Variants in KCTD16 observed in about 807,000 individuals in gnomAD.
KCTD16 encodes potassium channel tetramerization domain containing 16.
In KCTD16, 13 loss-of-function variants were observed where a neutral mutation model predicts 33.2. The ratio of observed to expected loss-of-function variants is 0.39; its 90% CI spans 0.25 to 0.62. The LOEUF (loss-of-function observed/expected upper bound fraction) is 0.62. KCTD16 is among the 20% of genes least tolerant of loss of function. KCTD16 has a pLI of 0.50. For synonymous variants in KCTD16, 197 were observed against 195.3 expected (o/e 1.01, Z -0.07); for missense variants, 441 against 525.1 (o/e 0.84, Z 1.57).
chr5:144,280,972 G>C (rs188444801), intron 3 of KCTD16, among the ~76,000 whole-genome samples: 1,961 of 148,238 alleles, frequency 0.013, 22 homozygotes, highest in Middle Eastern at 0.046. Context: ...GGAGAATGGC[G>C]TGAACCCGAC....
chr5:144,427,696 C>T (rs1753362570), intron 3 of KCTD16, among the ~76,000 whole-genome samples: 1 of 152,036 alleles, frequency 6.6e-6, no homozygotes, highest in Non-Finnish European at 1.5e-5. Flanking sequence ...TGGAGTACAG[C>T]CTGGGTGCCT....
chr5:144,390,649 G>T (rs1228546987), intron 3 of KCTD16, among the ~76,000 whole-genome samples: 2 of 152,088 alleles, frequency 1.3e-5, no homozygotes, highest in East Asian at 3.9e-4. Flanking sequence ...TCTACATTAG[G>T]TATTTGTCCT....
At chr5:144,249,246 T>C (rs1264906851) in intron 3 of KCTD16, among the ~76,000 whole-genome samples, 1 of 152,190 alleles carries the variant, frequency 6.6e-6, no homozygotes, top group African/African-American at 2.4e-5. Flanking sequence ...TGTAATATTC[T>C]TATACTCTTC....
At chr5:144,461,187 G>A (rs1754186430) in intron 3 of KCTD16, among the ~76,000 whole-genome samples, 1 of 152,170 alleles carries the variant, frequency 6.6e-6, no homozygotes, top group African/African-American at 2.4e-5. Flanking sequence ...ATGGATGCAT[G>A]CATGTCACAA....
chr5:144,442,552 C>G (rs965979066), intron 3 of KCTD16, among the ~76,000 whole-genome samples: 8 of 149,698 alleles, frequency 5.3e-5, no homozygotes, highest in Non-Finnish European at 3.0e-5. Context: ...TTCCTTCCTT[C>G]TTTTCTCCCT....
Position 144,479,872 on chromosome 5 carries a change from C to T in KCTD16, c.*5758C>T, listed in dbSNP as rs576018328. 5 of 152,018 alleles carry T rather than the reference C, an allele frequency of 3.3e-5. No homozygotes were observed. The highest frequency in any genetic ancestry group is 2.0e-4 in the Admixed American group (3 of 15,218). 9.4% of individuals were successfully genotyped at this position (152,018 alleles called of 1,614,324 possible). On this transcript the variant is annotated 3_prime_UTR_variant, in exon 4 of 4. Transcript: ENST00000512467. ...GGCCTAGCAACTATCAAGGGCTTGTCCTGGAGGAGGGTGGGGGTAATCTTC... is the reference window on the plus strand; with the variant it reads ...GGCCTAGCAACTATCAAGGGCTTGTTCTGGAGGAGGGTGGGGGTAATCTTC...
intron 3 of KCTD16, among the ~76,000 whole-genome samples, chr5:144,250,828 ATATC>A (rs1237805033): frequency 6.6e-6 from 1 of 152,162 alleles, no homozygotes; most frequent in African/African-American, 2.4e-5. Flanking sequence ...GGGGCTAACA[ATATC>A]TATATGTATT....
At chr5:144,390,303 G>C (rs1752419734) in intron 3 of KCTD16, among the ~76,000 whole-genome samples, 1 of 152,182 alleles carries the variant, frequency 6.6e-6, no homozygotes. Context: ...TGCACAGGGG[G>C]CACCTTGTGG....
chr5:144,400,517 G>A (rs1167259657), intron 3 of KCTD16, among the ~76,000 whole-genome samples: 2 of 152,152 alleles, frequency 1.3e-5, no homozygotes, highest in African/African-American at 4.8e-5. Flanking sequence ...AGGGAAATAG[G>A]GGTGTGGAAT....
At chr5:144,212,423 T>C (rs1045817585) in intron 3 of KCTD16, among the ~76,000 whole-genome samples, 2 of 152,174 alleles carry the variant, frequency 1.3e-5, no homozygotes, top group Non-Finnish European at 2.9e-5. Flanking sequence ...TGTCAATGTA[T>C]GGGTGAAAAG....
chr5:144,310,850 T>C (rs1417393068), intron 3 of KCTD16, among the ~76,000 whole-genome samples: 1 of 152,176 alleles, frequency 6.6e-6, no homozygotes, highest in Non-Finnish European at 1.5e-5. Context: ...TGTTTACTTC[T>C]TCCCACCTTT....
intron 3 of KCTD16, among the ~76,000 whole-genome samples, chr5:144,456,246 T>C (rs966064040): frequency 6.6e-6 from 1 of 151,988 alleles, no homozygotes; most frequent in Non-Finnish European, 1.5e-5. Flanking sequence ...TTTTGTACAA[T>C]AGGGATAGAA....
chr5:144,195,777 T>C (rs1038228771), intron 2 of KCTD16, among the ~76,000 whole-genome samples: 2 of 152,254 alleles, frequency 1.3e-5, no homozygotes, highest in African/African-American at 2.4e-5. Context: ...AAATGTATAG[T>C]AATGCAAAGT....
intron 3 of KCTD16, among the ~76,000 whole-genome samples, chr5:144,339,296 A>G (rs1561572728): frequency 6.6e-6 from 1 of 152,348 alleles, no homozygotes; most frequent in Non-Finnish European, 1.5e-5. Flanking sequence ...ACATTTGAAC[A>G]CAGGATTGCC....
chr5:144,239,217 T>C (rs1225508719), intron 3 of KCTD16, among the ~76,000 whole-genome samples: 1 of 152,166 alleles, frequency 6.6e-6, no homozygotes, highest in Non-Finnish European at 1.5e-5. Flanking sequence ...GAAGCCATGA[T>C]GCTATGCAAG....
At chr5:144,388,842 CAAAG>C (rs1346071309) in intron 3 of KCTD16, among the ~76,000 whole-genome samples, 1 of 152,136 alleles carries the variant, frequency 6.6e-6, no homozygotes, top group East Asian at 1.9e-4. Flanking sequence ...GTGAACAAAA[CAAAG>C]ACTTTGTTCT....
At chr5:144,406,829 G>A (rs1412818125) in intron 3 of KCTD16, among the ~76,000 whole-genome samples, 1 of 152,154 alleles carries the variant, frequency 6.6e-6, no homozygotes, top group African/African-American at 2.4e-5. Context: ...TTCTGCTGGG[G>A]TATTTTCTTC....
chr5:144,258,404 C>A (rs1438061054), intron 3 of KCTD16, among the ~76,000 whole-genome samples: 1 of 151,934 alleles, frequency 6.6e-6, no homozygotes, highest in East Asian at 1.9e-4. Context: ...TCTAAATGTA[C>A]CTTAAAAAGT....
chr5:144,308,805 A>G (rs566164675), intron 3 of KCTD16, among the ~76,000 whole-genome samples: 42 of 152,022 alleles, frequency 2.8e-4, no homozygotes, highest in African/African-American at 7.5e-4. Flanking sequence ...ATAAAATAAT[A>G]GTGAAAGCAA....
Sources: allele counts gnomAD v4.1 joint callset (sites outside exome capture counted in the v4.1 genomes callset), GRCh38; gene constraint gnomAD v4.1.1; transcripts MANE v1.5; gene names NCBI Gene and HGNC (gene_info 2026-07-23, HGNC 2026-07-21).